The following ELP1 variants were observed in gnomAD, a reference collection of about 807,000 sequenced individuals.
ELP1 encodes elongator acetyltransferase complex subunit 1.
A neutral mutation model predicts 183.2 loss-of-function variants in ELP1; 131 were observed. That is an observed-to-expected ratio of 0.72 (90% CI 0.62 to 0.83). The LOEUF (loss-of-function observed/expected upper bound fraction) is 0.83, where lower values mean the gene tolerates loss of function less well. Ranked by LOEUF, ELP1 falls within the 40% of genes least tolerant of loss-of-function variation. The probability of loss-of-function intolerance (pLI) is 0.00; values close to 1 mark genes in which losing one functional copy is unlikely to be tolerated. For synonymous variants in ELP1, 555 were observed against 569.0 expected (o/e 0.98, Z 0.35); for missense variants, 1,550 against 1,594.9 (o/e 0.97, Z 0.48).
chr9:108,891,294 C>T lies in ELP1; in HGVS notation c.3069G>A (p.Leu1023=), dbSNP rs1063110. ...GGGCTTGCTTCCAGTTGCCACATGT[C>T]AGAAAGGCTGAGAGAGCTTTCTCGT... ...GAHEKALSAF[L]TCGNWKQALC... is the part of the protein sequence containing the mutation. Residue 1023 remains leucine (L), a synonymous_variant, in exon 28 of 37, where the codon CTG becomes CTA. Coordinates refer to ENST00000374647, the MANE Select transcript of ELP1 (RefSeq NM_003640.5). The T allele has an allele frequency of 8.6e-5, 138 of 1,614,030 alleles. 1 individual carries two copies. The African/African-American group carries it at 1.6e-3, about 18-fold the overall frequency.
intron 3 of ELP1, among the ~76,000 whole-genome samples, chr9:108,927,842 T>C (rs1464227601): frequency 3.3e-5 from 5 of 152,066 alleles, no homozygotes; most frequent in African/African-American, 1.2e-4. Flanking sequence ...ATCAAAACAA[T>C]TGAACTCACG....
intron 6 of ELP1, among the ~76,000 whole-genome samples, chr9:108,922,314 C>T (rs1027287519): frequency 1.3e-5 from 2 of 152,206 alleles, no homozygotes; most frequent in African/African-American, 2.4e-5. Context: ...CACACCTCTG[C>T]CTTCAGGGGC....
At position 108,912,350 on chromosome 9, in the gene ELP1, T is replaced by C; in HGVS notation, c.1103A>G (p.Tyr368Cys). ...CGTCCAGTGCCAATCATAGGCGAGG[T>C]AATGCCAGCCCTGACAGAGAACATG... ...RLHVLCQGWH[Y>C]LAYDWHWTTD... Residue 368 changes from tyrosine (Y) to cysteine (C), a missense_variant, in exon 11 of 37, where the codon TAC becomes TGC. Coordinates refer to ENST00000374647, the MANE Select transcript of ELP1 (RefSeq NM_003640.5). 6.2e-7 allele frequency: 1 copy of C among 1,614,084 alleles called. No individual in the cohort carries two copies. The highest frequency in any genetic ancestry group is 1.7e-5 in the Admixed American group (1 of 60,020).
chr9:108,911,412 G>A (rs934882999), intron 11 of ELP1, among the ~76,000 whole-genome samples: 12 of 152,126 alleles, frequency 7.9e-5, no homozygotes, highest in African/African-American at 2.9e-4. Flanking sequence ...CTCAGTACCT[G>A]GAGTTTCAGG....
At chr9:108,871,067 GAC>G (rs1827435864) in intron 36 of ELP1, among the ~76,000 whole-genome samples, 1 of 148,224 alleles carries the variant, frequency 6.7e-6, no homozygotes, top group Non-Finnish European at 1.5e-5. Flanking sequence ...TGCACATCTG[GAC>G]ACAGTTTTCT....
chr9:108,887,995 T>C (rs529010953), intron 29 of ELP1, among the ~76,000 whole-genome samples: 20 of 152,186 alleles, frequency 1.3e-4, no homozygotes, highest in Non-Finnish European at 2.4e-4. Flanking sequence ...GCGTTATTCA[T>C]AATAACCCCA....
chr9:108,931,575 C>T (rs781052183), intron 1 of ELP1, among the ~76,000 whole-genome samples: 6 of 152,150 alleles, frequency 3.9e-5, no homozygotes, highest in Non-Finnish European at 7.4e-5. Flanking sequence ...TGAGGAAAAA[C>T]AAAAGGGTAT....
intron 33 of ELP1, 49 bp from the exon 34 acceptor site, chr9:108,878,799 T>C: frequency 6.2e-7 from 1 of 1,602,644 alleles, no homozygotes; most frequent in Non-Finnish European, 8.5e-7. Flanking sequence ...TAGCTAGGAC[T>C]ACAGGCATGT....
At position 108,911,186 on chromosome 9, in the gene ELP1, G is replaced by C. The variant is rs1340978905; in HGVS notation, c.1190-6C>G. The C allele has an allele frequency of 3.7e-6, 6 of 1,613,804 alleles. No homozygotes were observed. The highest frequency in any genetic ancestry group is 5.1e-6 in the Non-Finnish European group (6 of 1,179,904). ...GACTGTCACCAACACCCTGTCTGCA[G>C]TGAAAAAGAAAGAAGAGGATTAGAC... On this transcript the variant is annotated splice_polypyrimidine_tract_variant and splice_region_variant and intron_variant, in intron 11 of 36. Transcript: ENST00000374647.
chr9:108,929,267 TAGAG>T (rs1423218895), intron 3 of ELP1, among the ~76,000 whole-genome samples: 5 of 152,192 alleles, frequency 3.3e-5, no homozygotes. Flanking sequence ...TACACTAAAG[TAGAG>T]AAAGAAGCAA....
chr9:108,880,891 C>G (rs7035037), intron 31 of ELP1, among the ~76,000 whole-genome samples: 33,099 of 152,088 alleles, frequency 0.22, 4,008 homozygotes, highest in African/African-American at 0.32. Flanking sequence ...GGGGTGCAGA[C>G]AAGGTAAGAA....
intron 29 of ELP1, 61 bp from the exon 30 acceptor site, chr9:108,882,248 C>T (rs1827958732): frequency 6.8e-7 from 1 of 1,478,844 alleles, no homozygotes; most frequent in Middle Eastern, 1.8e-4. Context: ...TCATCACAGC[C>T]AACTACAAAA....
rs189454135 is a variant in ELP1 at position 108,915,115 on chromosome 9, T to C, written c.958+1089A>G. On this transcript the variant is annotated intron_variant, in intron 10 of 36. Transcript: ENST00000374647. The stretch of plus-strand genomic sequence containing the variant: ...ATACTTAAAACCACACACTTATACA[T>C]TTTAAAAGCTATAAAAATATTCTTA... Among the ~76,000 whole-genome samples the C allele has an allele frequency of 3.9e-5, 6 of 152,346 alleles. No homozygotes were observed. The East Asian group carries it at 1.2e-3, about 29-fold the overall frequency.
chr9:108,874,851 C>A, intron 36 of ELP1, 44 bp downstream of exon 36: 2 of 1,240,676 alleles, frequency 1.6e-6, no homozygotes, highest in South Asian at 2.4e-5. Context: ...GAAAGATAGT[C>A]CTTCTGCTTA....
chr9:108,914,013 T>C (rs1005561792), intron 10 of ELP1, among the ~76,000 whole-genome samples: 3 of 152,212 alleles, frequency 2.0e-5, no homozygotes, highest in African/African-American at 7.2e-5. Context: ...ACTCTTGAGA[T>C]GAAGCCTGAA....
chr9:108,899,257 G>A (rs549798297), intron 20 of ELP1, among the ~76,000 whole-genome samples: 1 of 151,638 alleles, frequency 6.6e-6, no homozygotes, highest in East Asian at 1.9e-4. Context: ...CCGAGATTGC[G>A]CCACTGTACT....
chr9:108,880,287 C>A, intron 31 of ELP1, 122 bp from the exon 32 acceptor site: 1 of 705,806 alleles, frequency 1.4e-6, no homozygotes, highest in Non-Finnish European at 2.6e-6. Context: ...CTAGGTTTTC[C>A]AAGCGAGCTC....
chr9:108,881,860 T>TC, intron 30 of ELP1, 95 bp from the exon 31 acceptor site: 1 of 834,552 alleles, frequency 1.2e-6, no homozygotes, highest in Non-Finnish European at 2.0e-6. Flanking sequence ...TCAGAGGTAA[T>TC]CAGAATATTT....
chr9:108,925,931 A>G (rs1237710979), intron 5 of ELP1, among the ~76,000 whole-genome samples: 1 of 152,226 alleles, frequency 6.6e-6, no homozygotes, highest in Non-Finnish European at 1.5e-5. Context: ...GAGTTGATGG[A>G]GCAAGAAGGC....
Sources: gnomAD v4.1 joint callset for allele counts (sites outside exome capture counted in the v4.1 genomes callset) on GRCh38, gnomAD v4.1.1 for gene constraint, MANE v1.5 for transcripts, NCBI Gene and HGNC (gene_info 2026-07-23, HGNC 2026-07-21) for gene names.